Variants in ZFYVE9 observed in about 807,000 individuals in gnomAD.
ZFYVE9 encodes the protein zinc finger FYVE domain-containing protein 9.
Under a neutral mutation model 126.7 loss-of-function variants are expected in ZFYVE9, and 43 were observed. The ratio of observed to expected loss-of-function variants is 0.34; its 90% CI spans 0.27 to 0.44. The LOEUF (loss-of-function observed/expected upper bound fraction) is 0.44, where lower values mean the gene tolerates loss of function less well. Ranked by LOEUF, ZFYVE9 falls within the 20% of genes least tolerant of loss-of-function variation. The pLI is 1.00. For synonymous variants in ZFYVE9, 521 were observed against 597.4 expected, an observed-to-expected ratio of 0.87 and a Z score of 1.87; for missense variants, 1,476 against 1,697.0, an observed-to-expected ratio of 0.87 and a Z score of 2.29.
At chr1:52,168,214 C>CT (rs139943554) in intron 1 of ZFYVE9, among the ~76,000 whole-genome samples, 9,088 of 115,000 alleles carry the variant, frequency 0.079, 677 homozygotes, top group Non-Finnish European at 0.096. Flanking sequence ...TCTTCGTCTT[C>CT]TTTTTTTTTT....
chr1:52,194,592 G>A (rs1357422955), intron 1 of ZFYVE9, among the ~76,000 whole-genome samples: 1 of 152,118 alleles, frequency 6.6e-6, no homozygotes, highest in African/African-American at 2.4e-5. Context: ...ATTCAATAAT[G>A]ATTAGAGCAT....
intron 17 of ZFYVE9, among the ~76,000 whole-genome samples, chr1:52,343,221 C>T (rs975093566): frequency 1.5e-4 from 23 of 151,744 alleles, no homozygotes; most frequent in African/African-American, 5.3e-4. Flanking sequence ...CGTGCCCGGC[C>T]GAGACAAATT....
chr1:52,169,304 A>C (rs985355890), intron 1 of ZFYVE9, among the ~76,000 whole-genome samples: 1 of 152,054 alleles, frequency 6.6e-6, no homozygotes, highest in Admixed American at 6.6e-5. Flanking sequence ...GGAGGCTGAG[A>C]TGTGAGGTTC....
At chr1:52,235,502 A>G (rs1645265406) in intron 3 of ZFYVE9, among the ~76,000 whole-genome samples, 1 of 152,122 alleles carries the variant, frequency 6.6e-6, no homozygotes, top group Non-Finnish European at 1.5e-5. Context: ...CTTTTAAGGA[A>G]TCCTGTGTTA....
In ZFYVE9 at chr1:52,173,134, T is replaced by G. The variant is rs373833826; in HGVS notation, c.-143+30731T>G. 3.6e-3 allele frequency among the ~76,000 whole-genome samples: 552 copies of G among 152,054 alleles called. 6 individuals carry two copies. In the South Asian group the frequency reaches 0.038, roughly 11 times the overall value. ...GCCCATTCAGTATGATATTGGCTGT[T>G]GGTTTGTCATAGATAGCTCTTATTA... is the stretch of plus-strand genomic sequence containing the variant. On this transcript the variant is annotated intron_variant, in intron 1 of 18. Coordinates refer to ENST00000287727, the MANE Select transcript of ZFYVE9 (RefSeq NM_004799.4).
At chr1:52,163,607 G>A (rs1264466514) in intron 1 of ZFYVE9, among the ~76,000 whole-genome samples, 3 of 152,114 alleles carry the variant, frequency 2.0e-5, no homozygotes, top group African/African-American at 7.2e-5. Context: ...CTTTGATCCA[G>A]CAGATTCAGC....
chr1:52,287,696 CAAA>C (rs562577492), intron 10 of ZFYVE9, among the ~76,000 whole-genome samples: 5 of 112,878 alleles, frequency 4.4e-5, no homozygotes, highest in Non-Finnish European at 5.9e-5. Flanking sequence ...CTATCTGTAC[CAAA>C]AAAAAAAAAA....
intron 1 of ZFYVE9, among the ~76,000 whole-genome samples, chr1:52,178,329 C>CTTTTTT (rs796749185): frequency 8.2e-4 from 94 of 114,432 alleles, no homozygotes; most frequent in African/African-American, 2.9e-3. Context: ...CATATTTGGG[C>CTTTTTT]TTTTTTTTTT....
chr1:52,198,126 T>TTTTG (rs1644881318), intron 1 of ZFYVE9, among the ~76,000 whole-genome samples: 1 of 128,190 alleles, frequency 7.8e-6, no homozygotes, highest in Non-Finnish European at 1.6e-5. Context: ...TTTTGTTTGT[T>TTTTG]TTTTTTTTTT....
At chr1:52,303,696 T>TA in intron 12 of ZFYVE9, 125 bp from the exon 13 acceptor site, 1 of 529,750 alleles carries the variant, frequency 1.9e-6, no homozygotes, top group Non-Finnish European at 3.1e-6. Context: ...TACATTTCCT[T>TA]ATTATTTAAA....
intron 2 of ZFYVE9, among the ~76,000 whole-genome samples, chr1:52,218,571 C>A (rs75734910): frequency 6.6e-6 from 1 of 152,242 alleles, no homozygotes; most frequent in Admixed American, 6.5e-5. Flanking sequence ...TTGGCCCATC[C>A]GAGTGGGAGG....
At chr1:52,311,318 G>A (rs1009005651) in intron 13 of ZFYVE9, among the ~76,000 whole-genome samples, 3 of 142,964 alleles carry the variant, frequency 2.1e-5, no homozygotes, top group Non-Finnish European at 3.0e-5. Context: ...AGGCTGGAGT[G>A]TGGTGGCACG....
intron 13 of ZFYVE9, among the ~76,000 whole-genome samples, chr1:52,320,359 C>T (rs1489015351): frequency 2.6e-5 from 4 of 152,090 alleles, no homozygotes; most frequent in East Asian, 1.9e-4. Context: ...CATTAGCCAC[C>T]GTGCCCGGCT....
intron 16 of ZFYVE9, among the ~76,000 whole-genome samples, chr1:52,338,736 G>A (rs886675640): frequency 6.6e-6 from 1 of 152,216 alleles, no homozygotes; most frequent in Non-Finnish European, 1.5e-5. Flanking sequence ...ATTTGGCCGG[G>A]TGTGGTGGCT....
chr1:52,322,438 C>A (rs192031549), intron 13 of ZFYVE9, among the ~76,000 whole-genome samples: 1 of 142,682 alleles, frequency 7.0e-6, no homozygotes, highest in African/African-American at 2.6e-5. Context: ...AGTGCAATGG[C>A]GCGATCTCGG....
intron 12 of ZFYVE9, among the ~76,000 whole-genome samples, chr1:52,302,419 CCA>C (rs891391596): frequency 4.7e-4 from 72 of 152,158 alleles, no homozygotes; most frequent in African/African-American, 1.5e-3. Flanking sequence ...CATTCCACAT[CCA>C]CAGTGGCAAA....
chr1:52,203,946 C>T (rs1225484836), intron 1 of ZFYVE9, among the ~76,000 whole-genome samples: 1 of 152,076 alleles, frequency 6.6e-6, no homozygotes, highest in Non-Finnish European at 1.5e-5. Context: ...TTTCATTGCC[C>T]ATCTGTTCTT....
intron 4 of ZFYVE9, among the ~76,000 whole-genome samples, chr1:52,246,238 G>A (rs371766997): frequency 3.3e-5 from 5 of 152,008 alleles, no homozygotes; most frequent in South Asian, 2.1e-4. Flanking sequence ...CCTTTATGCC[G>A]TAATTTTTAA....
chr1:52,330,974 C>G (rs1646335841), intron 13 of ZFYVE9, among the ~76,000 whole-genome samples: 1 of 152,146 alleles, frequency 6.6e-6, no homozygotes, highest in South Asian at 2.1e-4. Flanking sequence ...TAAAGTGATT[C>G]TCCTGCCTCA....
Sources: allele counts gnomAD v4.1 joint callset (sites outside exome capture counted in the v4.1 genomes callset), GRCh38; gene constraint gnomAD v4.1.1; transcripts MANE v1.5; gene names NCBI Gene and HGNC (gene_info 2026-07-23, HGNC 2026-07-21).